The following TULP4 variants were observed in gnomAD, a reference collection of about 807,000 sequenced individuals.
TULP4 encodes the protein tubby-related protein 4.
TULP4 carries 16 observed loss-of-function variants against 129.0 expected under a neutral mutation model. The ratio of observed to expected loss-of-function variants is 0.12; its 90% CI spans 0.08 to 0.19. The LOEUF (loss-of-function observed/expected upper bound fraction) is 0.19, where lower values mean the gene tolerates loss of function less well. TULP4 is among the 10% of genes least tolerant of loss of function. The pLI is 1.00. For synonymous variants in TULP4, 998 were observed against 854.0 expected (o/e 1.17, Z -2.94); for missense variants, 1,842 against 2,059.1 (o/e 0.89, Z 2.04).
chr6:158,477,154 C>A (rs543677650), intron 6 of TULP4, among the ~76,000 whole-genome samples: 1 of 152,198 alleles, frequency 6.6e-6, no homozygotes, highest in African/African-American at 2.4e-5. Context: ...AGCTGATTTT[C>A]ATCTAGTTGA....
intron 1 of TULP4, among the ~76,000 whole-genome samples, chr6:158,239,932 G>A (rs1226160835): frequency 2.9e-3 from 132 of 45,860 alleles, no homozygotes; most frequent in African/African-American, 5.0e-3. Context: ...GCGGCTGGCC[G>A]GGCAGGGGGG....
chr6:158,298,784 G>A (rs1403709117), intron 1 of TULP4, among the ~76,000 whole-genome samples: 3 of 152,216 alleles, frequency 2.0e-5, no homozygotes, highest in Non-Finnish European at 4.4e-5. Flanking sequence ...TTGAGTCTAC[G>A]TTGATACTGA....
At chr6:158,237,729 A>T in intron 1 of TULP4, 1 of 905,378 alleles carries the variant, frequency 1.1e-6, no homozygotes, top group African/African-American at 1.6e-5. Context: ...GACTATCTCT[A>T]GTAACTTTTC....
intron 1 of TULP4, among the ~76,000 whole-genome samples, chr6:158,371,895 G>A (rs1364325817): frequency 6.6e-6 from 1 of 152,112 alleles, no homozygotes; most frequent in East Asian, 1.9e-4. Flanking sequence ...GCTCACTGCA[G>A]CCTCAACCTC....
At chr6:158,353,901 G>T (rs1244627415) in intron 1 of TULP4, among the ~76,000 whole-genome samples, 1 of 152,204 alleles carries the variant, frequency 6.6e-6, no homozygotes, top group African/African-American at 2.4e-5. Context: ...TTCCCTAAAG[G>T]GGTTTTATTT....
At chr6:158,255,240 C>A (rs1397251099) in intron 1 of TULP4, among the ~76,000 whole-genome samples, 1 of 152,108 alleles carries the variant, frequency 6.6e-6, no homozygotes, top group Admixed American at 6.5e-5. Context: ...TGTTGGGGAC[C>A]AGAGCATGTA....
At chr6:158,442,829 T>TA (rs1404901553) in intron 3 of TULP4, among the ~76,000 whole-genome samples, 3 of 144,618 alleles carry the variant, frequency 2.1e-5, no homozygotes, top group African/African-American at 7.5e-5. Context: ...TTTTTTTTTT[T>TA]AATGGAGTTT....
At chr6:158,307,964 T>A (rs1457571514), upstream of TULP4, among the ~76,000 whole-genome samples, 1 of 152,028 alleles carries the variant, frequency 6.6e-6, no homozygotes, top group Non-Finnish European at 1.5e-5. Context: ...CGCAAACATC[T>A]AAATTTAACT....
intron 1 of TULP4, among the ~76,000 whole-genome samples, chr6:158,258,192 C>T (rs897644477): frequency 2.0e-5 from 3 of 152,200 alleles, no homozygotes; most frequent in Admixed American, 6.5e-5. Context: ...GGGCTGTCTA[C>T]GGAATCCAGG....
chr6:158,450,976 A>G (rs1423057848), intron 4 of TULP4, among the ~76,000 whole-genome samples: 1 of 152,196 alleles, frequency 6.6e-6, no homozygotes, highest in Non-Finnish European at 1.5e-5. Flanking sequence ...GAGGCAGGAG[A>G]ATGGCTTGAA....
chr6:158,445,098 G>A (rs1462863939), intron 3 of TULP4, among the ~76,000 whole-genome samples: 2 of 152,240 alleles, frequency 1.3e-5, no homozygotes, highest in Admixed American at 1.3e-4. Flanking sequence ...ACAGGTGTGA[G>A]CCGTGGTGCC....
chr6:158,424,232 A>G (rs2115041164), intron 2 of TULP4, among the ~76,000 whole-genome samples: 1 of 152,252 alleles, frequency 6.6e-6, no homozygotes, highest in South Asian at 2.1e-4. Context: ...TTTGTATATA[A>G]TCTATGCACA....
chr6:158,405,490 A>C (rs529096943), intron 1 of TULP4, among the ~76,000 whole-genome samples: 1 of 152,320 alleles, frequency 6.6e-6, no homozygotes, highest in African/African-American at 2.4e-5. Flanking sequence ...GCACCGTTGC[A>C]TTAAGCACAT....
chr6:158,489,783 G>T, intron 9 of TULP4, 51 bp downstream of exon 9: 1 of 1,606,824 alleles, frequency 6.2e-7, no homozygotes, highest in Non-Finnish European at 8.5e-7. Context: ...CTGAATATGT[G>T]TGTTTGTGCC....
At position 158,502,189 on chromosome 6, in the gene TULP4, C is replaced by T. The variant is rs757978624; in HGVS notation, c.2526C>T (p.Pro842=). 1.5e-4 allele frequency: 234 copies of T among 1,534,476 alleles called. 1 individual carries two copies. Among genetic ancestry groups the T allele is most frequent in the East Asian group, 1.9e-4 (8 of 42,182 alleles). The change falls in exon 13 of 14, where the codon CCC becomes CCT. Residue 842 remains proline, a synonymous_variant. Transcript: ENST00000367097. Reference sequence around the variant, plus strand: ...CACCCCCGTACCCAGGAACCATCCCCGCTGCCCCCACCACAGCAGCACCCC... The same window carrying T: ...CACCCCCGTACCCAGGAACCATCCCTGCTGCCCCCACCACAGCAGCACCCC... ...NPPPPYPGTI[P]AAPTTAAPPP...
chr6:158,333,778 T>C (rs1376897108), intron 1 of TULP4, among the ~76,000 whole-genome samples: 1 of 152,226 alleles, frequency 6.6e-6, no homozygotes, highest in Non-Finnish European at 1.5e-5. Context: ...TTCTATTTTG[T>C]CATTTACTGG....
intron 1 of TULP4, among the ~76,000 whole-genome samples, chr6:158,361,907 C>A (rs940307696): frequency 5.9e-5 from 9 of 152,226 alleles, no homozygotes; most frequent in African/African-American, 2.2e-4. Context: ...CCTACCACAT[C>A]TATTTCTCCT....
intron 1 of TULP4, among the ~76,000 whole-genome samples, chr6:158,343,574 A>G (rs921108208): frequency 6.6e-6 from 1 of 152,086 alleles, no homozygotes; most frequent in Admixed American, 6.5e-5. Context: ...TCACATGAGG[A>G]TACAAGGAGA....
intron 1 of TULP4, among the ~76,000 whole-genome samples, chr6:158,388,977 TCATTTCTC>T (rs1202004815): frequency 6.6e-6 from 1 of 152,200 alleles, no homozygotes. Flanking sequence ...TGTCGAGGTT[TCATTTCTC>T]TCTGATTCCT....
Sources: gnomAD v4.1 joint callset for allele counts (sites outside exome capture counted in the v4.1 genomes callset) on GRCh38, gnomAD v4.1.1 for gene constraint, MANE v1.5 for transcripts, NCBI Gene and HGNC (gene_info 2026-07-23, HGNC 2026-07-21) for gene names.